Variants in STRN observed in about 807,000 individuals in gnomAD.
STRN encodes striatin, also known as protein phosphatase 2 regulatory subunit B'''alpha.
Under a neutral mutation model 96.3 loss-of-function variants are expected in STRN, and 53 were observed. The ratio of observed to expected loss-of-function variants is 0.55; its 90% CI spans 0.44 to 0.69. STRN has a LOEUF of 0.69. Among genes scored for constraint, STRN ranks in the 30% least tolerant of loss-of-function variants. The pLI is 0.00. For synonymous variants in STRN, 428 were observed against 355.9 expected (o/e 1.20, Z -2.28); for missense variants, 987 against 963.9 (o/e 1.02, Z -0.32).
intron 1 of STRN, among the ~76,000 whole-genome samples, chr2:36,932,225 G>A (rs1320177622): frequency 6.6e-6 from 1 of 152,062 alleles, no homozygotes; most frequent in African/African-American, 2.4e-5. Context: ...CGTGATCTCG[G>A]CTCACTGCAA....
intron 1 of STRN, among the ~76,000 whole-genome samples, chr2:36,957,176 T>A (rs1664908512): frequency 6.6e-6 from 1 of 152,222 alleles, no homozygotes; most frequent in South Asian, 2.1e-4. Context: ...GCTAGATCCC[T>A]AAAGGGCTTA....
chr2:36,909,518 G>A (rs900133811), intron 3 of STRN, among the ~76,000 whole-genome samples: 5 of 152,102 alleles, frequency 3.3e-5, no homozygotes, highest in Non-Finnish European at 7.3e-5. Context: ...AGTAATAACT[G>A]AGAGAAGGGG....
At chr2:36,897,851 A>G (rs1669586187) in intron 6 of STRN, among the ~76,000 whole-genome samples, 1 of 152,044 alleles carries the variant, frequency 6.6e-6, no homozygotes, top group Non-Finnish European at 1.5e-5. Context: ...ACACATGGCT[A>G]ATTAAAAAAA....
At chr2:36,850,949 G>T in intron 16 of STRN, 51 bp downstream of exon 16, 1 of 1,218,792 alleles carries the variant, frequency 8.2e-7, no homozygotes, top group Non-Finnish European at 1.1e-6. Flanking sequence ...ACTTGTGGTA[G>T]GGATTTTTTT....
chr2:36,871,859 T>C (rs1668769716), intron 10 of STRN, among the ~76,000 whole-genome samples: 1 of 152,062 alleles, frequency 6.6e-6, no homozygotes, highest in Admixed American at 6.5e-5. Context: ...AATTTAGAAG[T>C]TACCCTCAAT....
chr2:36,895,696 G>C (rs1184763246), intron 6 of STRN, among the ~76,000 whole-genome samples: 2 of 151,268 alleles, frequency 1.3e-5, no homozygotes, highest in Non-Finnish European at 2.9e-5. Context: ...TGGATCACGA[G>C]GTCAGGAGGT....
Position 36,912,347 on chromosome 2 carries a change from G to T in STRN, c.412+3731C>A, listed in dbSNP as rs552141658. Among the ~76,000 whole-genome samples, 8 of 152,152 alleles carry T rather than the reference G, an allele frequency of 5.3e-5. No homozygotes were observed. The East Asian group carries it at 1.5e-3, about 29-fold the overall frequency. ...TTCACCTTCACAACCTAAGCTTCCTGAAAGCTAACTATACCCACTTTATTT... is the reference window on the plus strand; with the variant it reads ...TTCACCTTCACAACCTAAGCTTCCTTAAAGCTAACTATACCCACTTTATTT... On this transcript the variant is annotated intron_variant, in intron 3 of 17. Coordinates refer to ENST00000263918, the MANE Select transcript of STRN (RefSeq NM_003162.4).
At chr2:36,864,906 G>A (rs1479262022) in intron 12 of STRN, among the ~76,000 whole-genome samples, 3 of 152,000 alleles carry the variant, frequency 2.0e-5, no homozygotes, top group African/African-American at 7.2e-5. Context: ...GCAGAGATGG[G>A]GTTTCACCAT....
At chr2:36,909,288 T>C (rs1398881080) in intron 3 of STRN, among the ~76,000 whole-genome samples, 2 of 152,182 alleles carry the variant, frequency 1.3e-5, no homozygotes, top group African/African-American at 4.8e-5. Flanking sequence ...ATCACATTCA[T>C]TCTTGCCTTG....
At chr2:36,875,709 T>C (rs1349899678) in intron 10 of STRN, among the ~76,000 whole-genome samples, 1 of 148,086 alleles carries the variant, frequency 6.8e-6, no homozygotes, top group South Asian at 2.1e-4. Context: ...CGCGCTGGAG[T>C]GCGGTGGCGC....
chr2:36,845,181 CACAG>C lies in STRN; in HGVS notation c.*4271_*4274del, dbSNP rs1181436601. On this transcript the variant is annotated 3_prime_UTR_variant, in exon 18 of 18. Transcript: ENST00000263918. ...ATTTGGCTATTGGTTGAAAACATCA[CACAG>C]ACAGACACCAACCAAAGATTCATTA... 3.3e-5 allele frequency: 5 copies of C among 152,112 alleles called. No individual in the cohort carries two copies. Among genetic ancestry groups the C allele is most frequent in the Non-Finnish European group, 5.9e-5 (4 of 68,002 alleles). The allele number at this position is 152,112 out of a possible 1,614,324, so 9.4% of individuals were successfully genotyped here.
At chr2:36,863,611 TC>T (rs1668548878) in intron 12 of STRN, among the ~76,000 whole-genome samples, 1 of 152,218 alleles carries the variant, frequency 6.6e-6, no homozygotes, top group South Asian at 2.1e-4. Flanking sequence ...ATGTGATGCC[TC>T]CAGCTTTGTT....
intron 12 of STRN, among the ~76,000 whole-genome samples, chr2:36,862,240 T>C (rs1468392673): frequency 6.6e-6 from 1 of 152,232 alleles, no homozygotes; most frequent in Non-Finnish European, 1.5e-5. Context: ...TGTGTCTTTA[T>C]AGCAGAATGA....
rs763795209 is a variant in STRN, at chr2:36,894,060, T to C, written c.796-27A>G. The stretch of plus-strand genomic sequence containing the variant: ...TAATGAAAAAACATGCTAAATTAAA[T>C]AAAGGAGATAGTTTCCCTTTACCAC... On this transcript the variant is annotated intron_variant, in intron 6 of 17. Transcript: ENST00000263918. The C allele has an allele frequency of 5.6e-6, 9 of 1,601,308 alleles. No individual in the cohort carries two copies. The South Asian group carries it at 1.0e-4, about 18-fold the overall frequency.
chr2:36,850,775 G>A (rs1043658208), intron 16 of STRN, among the ~76,000 whole-genome samples: 3 of 151,978 alleles, frequency 2.0e-5, no homozygotes, highest in Admixed American at 6.6e-5. Flanking sequence ...CCTACATATA[G>A]CATCTGCTCA....
Position 36,901,003 on chromosome 2 carries a change from G to GAA in STRN, c.660-1347_660-1346dup, listed in dbSNP as rs535903214. 1.1e-4 allele frequency among the ~76,000 whole-genome samples: 15 copies of GAA among 134,906 alleles called. 1 individual carries two copies. The highest frequency in any genetic ancestry group is 2.4e-4 in the South Asian group (1 of 4,220). 88.5% of individuals were successfully genotyped at this position (134,906 alleles called of 152,430 possible). A position where few individuals can be genotyped will look rare whatever the true frequency, so the allele number is the denominator to read the frequency against. On this transcript the variant is annotated intron_variant, in intron 5 of 17. Coordinates refer to ENST00000263918, the MANE Select transcript of STRN (RefSeq NM_003162.4). ...TCTTTTAGACAGAGAGCATTTTCCTGAAAAAAAAAAAAAATTGTAGAAACT... is the reference window on the plus strand; with the variant it reads ...TCTTTTAGACAGAGAGCATTTTCCTGAAAAAAAAAAAAAAAATTGTAGAAACT...
rs187626509 is a variant in STRN at position 36,923,343 on chromosome 2, C to T, written c.338+1762G>A. 3.5e-4 allele frequency among the ~76,000 whole-genome samples: 49 copies of T among 141,618 alleles called. No individual in the cohort carries two copies. The East Asian group carries it at 0.011, about 31-fold the overall frequency. The allele number at this position is 141,618 out of a possible 152,430, so 92.9% of individuals were successfully genotyped here. On this transcript the variant is annotated intron_variant, in intron 2 of 17. Coordinates refer to ENST00000263918, the MANE Select transcript of STRN (RefSeq NM_003162.4). Reference sequence around the variant, plus strand: ...GCATGCGCCTGTAGTCCCAGCAACTCGGGAGGCTGAGACAGGAGAATTGCT... The same window carrying T: ...GCATGCGCCTGTAGTCCCAGCAACTTGGGAGGCTGAGACAGGAGAATTGCT...
At chr2:36,868,565 A>G (rs1412093636) in intron 11 of STRN, among the ~76,000 whole-genome samples, 1 of 152,220 alleles carries the variant, frequency 6.6e-6, no homozygotes, top group Admixed American at 6.5e-5. Context: ...ACGCATAGAC[A>G]TGTTATCTCA....
rs139935353 is a variant in STRN at position 36,934,661 on chromosome 2, T to G, written c.235-9453A>C. Among the ~76,000 whole-genome samples, 991 of 152,332 alleles carry G rather than the reference T, an allele frequency of 6.5e-3. 12 individuals carry two copies. Among genetic ancestry groups the G allele is most frequent in the African/African-American group, 0.021 (890 of 41,574 alleles). Reference sequence around the variant, plus strand: ...GTATAAATTATGAATCCATAAATCTTAAGGAACTACATAAAGCCCAAACTC... The same window carrying G: ...GTATAAATTATGAATCCATAAATCTGAAGGAACTACATAAAGCCCAAACTC... On this transcript the variant is annotated intron_variant, in intron 1 of 17. Transcript: ENST00000263918.
Sources: gnomAD v4.1 joint callset for allele counts (sites outside exome capture counted in the v4.1 genomes callset) on GRCh38, gnomAD v4.1.1 for gene constraint, MANE v1.5 for transcripts, NCBI Gene and HGNC (gene_info 2026-07-23, HGNC 2026-07-21) for gene names.